The following CCDC88C variants were observed in gnomAD, a reference collection of about 807,000 sequenced individuals.
The protein encoded by CCDC88C is coiled-coil and HOOK domain protein 88C.
Under a neutral mutation model 198.8 loss-of-function variants are expected in CCDC88C, and 131 were observed. The ratio of observed to expected loss-of-function variants is 0.66; its 90% CI spans 0.57 to 0.76. The LOEUF is 0.76. Ranked by LOEUF, CCDC88C falls within the 30% of genes least tolerant of loss-of-function variation. The pLI is 0.00. For synonymous variants in CCDC88C, 1,166 were observed against 1,114.7 expected (o/e 1.05, Z -0.92); for missense variants, 2,553 against 2,631.6 (o/e 0.97, Z 0.65).
At chr14:91,306,009 C>A in intron 18 of CCDC88C, 83 bp from the exon 19 acceptor site, 1 of 1,445,964 alleles carries the variant, frequency 6.9e-7, no homozygotes, top group Non-Finnish European at 9.5e-7. Context: ...TGTAACGAAC[C>A]CTCAAAAGTT....
intron 3 of CCDC88C, among the ~76,000 whole-genome samples, chr14:91,367,975 A>C (rs1894618167): frequency 6.6e-6 from 1 of 151,790 alleles, no homozygotes; most frequent in African/African-American, 2.4e-5. Flanking sequence ...TGAACTCCTA[A>C]TGCTTCCTCA....
chr14:91,364,923 C>T (rs55813181), intron 3 of CCDC88C, among the ~76,000 whole-genome samples: 8,923 of 152,262 alleles, frequency 0.059, 875 homozygotes, highest in African/African-American at 0.2. Context: ...ATCCCCAAAA[C>T]ACAGGATACA....
Position 91,324,734 on chromosome 14 carries a change from G to A in CCDC88C, c.1342+45C>T, listed in dbSNP as rs371825683. The A allele has an allele frequency of 2.7e-5, 44 of 1,600,664 alleles. No homozygotes were observed. In the South Asian group the frequency reaches 3.2e-4, roughly 12 times the overall value. ...CAGGACTCAGCTCCCTGGAGGCAGC[G>A]GCGGCCACGGCCAGGCTGGCTCCCC... On this transcript the variant is annotated intron_variant, in intron 12 of 29. Coordinates refer to ENST00000389857, the MANE Select transcript of CCDC88C (RefSeq NM_001080414.4).
At chr14:91,397,480 TCACACTCATACTCA>T (rs1422179062) in intron 3 of CCDC88C, among the ~76,000 whole-genome samples, 2 of 151,284 alleles carry the variant, frequency 1.3e-5, no homozygotes, top group East Asian at 3.9e-4. Flanking sequence ...TCACACACTC[TCACACTCATACTCA>T]CACACACACA....
chr14:91,346,538 T>C (rs1893551901), intron 4 of CCDC88C, among the ~76,000 whole-genome samples: 1 of 152,184 alleles, frequency 6.6e-6, no homozygotes, highest in Admixed American at 6.5e-5. Flanking sequence ...ATCCATAGAA[T>C]AAATATCACC....
At chr14:91,292,581 G>A (rs1165157221) in intron 23 of CCDC88C, among the ~76,000 whole-genome samples, 3 of 152,094 alleles carry the variant, frequency 2.0e-5, no homozygotes, top group South Asian at 2.1e-4. Flanking sequence ...AAGGAGCATC[G>A]TTACATCAGA....
In CCDC88C at chr14:91,284,634, A is replaced by G. The variant is rs529223429; in HGVS notation, c.4442-1117T>C. 1.3e-5 allele frequency among the ~76,000 whole-genome samples: 2 copies of G among 152,334 alleles called. No individual in the cohort carries two copies. Among genetic ancestry groups the G allele is most frequent in the East Asian group, 1.9e-4 (1 of 5,190 alleles). On this transcript the variant is annotated intron_variant, in intron 25 of 29. Transcript: ENST00000389857. The surrounding 1 kb of genome is among the most constrained non-coding windows in gnomAD (Gnocchi z 4.1). Reference sequence around the variant, plus strand: ...GGAGGACCCGGCACCACGGCAGCCCAGGGTTCCCAGAGCGAGGCTCATGAG... The same window carrying G: ...GGAGGACCCGGCACCACGGCAGCCCGGGGTTCCCAGAGCGAGGCTCATGAG...
At position 91,408,733 on chromosome 14, in the gene CCDC88C, G is replaced by A; in HGVS notation, c.196C>T (p.His66Tyr). 1 of 1,613,786 alleles carries A rather than the reference G, an allele frequency of 6.2e-7. No individual in the cohort carries two copies. Among genetic ancestry groups the A allele is most frequent in the Non-Finnish European group, 8.5e-7 (1 of 1,179,696 alleles). ...CGAAGGTTCACATCATTGTTGACGTGCTTATTGATGCGTTGATTTGTGGGC... is the reference window on the plus strand; with the variant it reads ...CGAAGGTTCACATCATTGTTGACGTACTTATTGATGCGTTGATTTGTGGGC... The part of the protein sequence containing the change: ...PRPTNQRINK[H>Y]VNNDVNLRIQ... Residue 66 changes from histidine (H) to tyrosine (Y), a missense_variant, in exon 3 of 30, where the codon CAC becomes TAC. By Grantham distance (83) the His-to-Tyr change is moderately conservative. This residue lies in a region of CCDC88C where 1,260 missense variants were observed against 1,412.0 expected (regional missense o/e 0.89). Transcript: ENST00000389857.
rs563662660 is a variant in CCDC88C, at chr14:91,315,937, C to T, written c.1528-150G>A. On this transcript the variant is annotated intron_variant, in intron 13 of 29. Transcript: ENST00000389857. The stretch of plus-strand genomic sequence containing the variant: ...CTGACATCATTCTGTAGCAACTCCC[C>T]ACACCACAGCTGTCACTCTTAAGAC... 5.6e-5 allele frequency: 40 copies of T among 712,888 alleles called. No homozygotes were observed. In the African/African-American group the frequency reaches 6.6e-4, roughly 12 times the overall value. The allele number at this position is 712,888 out of a possible 1,614,324, so 44.2% of individuals were successfully genotyped here. A position where few individuals can be genotyped will look rare whatever the true frequency, so the allele number is the denominator to read the frequency against.
chr14:91,319,159 T>C (rs915050091), intron 13 of CCDC88C, among the ~76,000 whole-genome samples: 3 of 152,190 alleles, frequency 2.0e-5, no homozygotes, highest in Non-Finnish European at 4.4e-5. Flanking sequence ...GAGCCCACAG[T>C]ACACCAGTGC....
At chr14:91,410,127 G>A (rs1160882566) in intron 2 of CCDC88C, among the ~76,000 whole-genome samples, 1 of 152,148 alleles carries the variant, frequency 6.6e-6, no homozygotes, top group African/African-American at 2.4e-5. Context: ...TCTATATACA[G>A]GACATTTCTC....
chr14:91,326,783 T>C (rs1240908398), intron 10 of CCDC88C, among the ~76,000 whole-genome samples: 1 of 152,244 alleles, frequency 6.6e-6, no homozygotes, highest in African/African-American at 2.4e-5. Flanking sequence ...GCTATTCAGA[T>C]AAACTTTCAT....
chr14:91,417,134 A>C (rs1887104283), intron 1 of CCDC88C: 1 of 703,148 alleles, frequency 1.4e-6, no homozygotes, highest in South Asian at 1.5e-5. Context: ...CTCACGTCTC[A>C]AATCCATTGT....
chr14:91,299,087 A>T (rs148955302), intron 21 of CCDC88C, among the ~76,000 whole-genome samples: 48 of 152,360 alleles, frequency 3.2e-4, no homozygotes, highest in African/African-American at 1.0e-3. Flanking sequence ...TAGGGAAAAA[A>T]TATAGAATTA....
chr14:91,394,398 G>C (rs888039076), intron 3 of CCDC88C, among the ~76,000 whole-genome samples: 1 of 152,214 alleles, frequency 6.6e-6, no homozygotes, highest in Non-Finnish European at 1.5e-5. Flanking sequence ...CAGGGACACA[G>C]AGGAACAAGG....
At position 91,272,848 on chromosome 14, in the gene CCDC88C, G is replaced by A. The variant is rs1412921603; in HGVS notation, c.5864C>T (p.Pro1955Leu). 1.9e-6 allele frequency: 3 copies of A among 1,594,082 alleles called. No individual in the cohort carries two copies. The highest frequency in any genetic ancestry group is 1.1e-5 in the South Asian group (1 of 89,844). The change falls in exon 30 of 30, where the codon CCT (proline) becomes CTT (leucine). Residue 1955 changes from proline (P) to leucine (L), a missense_variant. Physicochemically the swap from Pro to Leu is moderately conservative, Grantham distance 98. Around this residue, in one of 2 missense-constraint regions of CCDC88C, gnomAD observed 1,293 missense variants for 1,219.6 expected, o/e 1.06. Coordinates refer to ENST00000389857, the MANE Select transcript of CCDC88C (RefSeq NM_001080414.4). ...TGAGAGGCTGAGCCCTGCCCGGACA[G>A]GGGTGATGGTGGCCACCTCCCCTGA... ...PRSGEVATIT[P>L]VRAGLSLSEG...
chr14:91,340,916 C>T (rs1893286793), intron 6 of CCDC88C, among the ~76,000 whole-genome samples: 2 of 152,010 alleles, frequency 1.3e-5, no homozygotes, highest in Admixed American at 1.3e-4. Flanking sequence ...GCAGGAGGAC[C>T]ACTTGAGGCC....
chr14:91,314,135 G>C lies in CCDC88C; in HGVS notation c.1681C>G (p.Gln561Glu), dbSNP rs770233998. 1.4e-5 allele frequency: 23 copies of C among 1,610,324 alleles called. No individual in the cohort carries two copies. The South Asian group carries it at 2.4e-4, about 17-fold the overall frequency. Residue 561 changes from glutamine (Q) to glutamate (E), a missense_variant, in exon 15 of 30, where the codon CAG (glutamine) becomes GAG (glutamate). Gln to Glu is a conservative substitution (Grantham distance 29, BLOSUM62 2). Coordinates refer to ENST00000389857, the MANE Select transcript of CCDC88C (RefSeq NM_001080414.4). ...DKARQIKDLE[Q>E]EKDHLNRAMW... The stretch of plus-strand genomic sequence containing the variant: ...GCTCGGTTGAGGTGGTCCTTTTCCT[G>C]CTCAAGGTCCTTGATCTACGGGAAA...
chr14:91,356,234 G>A (rs1416167118), intron 4 of CCDC88C, among the ~76,000 whole-genome samples: 1 of 152,130 alleles, frequency 6.6e-6, no homozygotes, highest in Non-Finnish European at 1.5e-5. Context: ...GATGTCCGCT[G>A]CCAGCCTCCT....
Sources: allele counts gnomAD v4.1 joint callset (sites outside exome capture counted in the v4.1 genomes callset), GRCh38; gene constraint gnomAD v4.1.1; regional missense constraint gnomAD v4.1.1; non-coding constraint Gnocchi (gnomAD v3.1); transcripts MANE v1.5; gene names NCBI Gene and HGNC (gene_info 2026-07-23, HGNC 2026-07-21).